LSM14A: variants seen among roughly 807,000 people sequenced by gnomAD.
LSM14A encodes the protein protein LSM14 homolog A.
A neutral mutation model predicts 52.4 loss-of-function variants in LSM14A; 14 were observed. The ratio of observed to expected loss-of-function variants is 0.27; its 90% CI spans 0.18 to 0.42. LSM14A has a LOEUF of 0.42. Among genes scored for constraint, LSM14A ranks in the 10% least tolerant of loss-of-function variants. The pLI is 1.00. For missense variants in LSM14A, 417 were observed against 581.8 expected, an observed-to-expected ratio of 0.72 and a Z score of 2.91; for synonymous variants, 185 against 200.3, an observed-to-expected ratio of 0.92 and a Z score of 0.64.
intron 3 of LSM14A, among the ~76,000 whole-genome samples, chr19:34,205,580 G>A (rs1157908792): frequency 7.9e-5 from 12 of 151,818 alleles, no homozygotes; most frequent in Admixed American, 7.9e-4. Context: ...TGCTTGGGAG[G>A]CTGAAGTGGG....
At position 34,215,307 on chromosome 19, in the gene LSM14A, C is replaced by G. The variant is rs1489624391; in HGVS notation, c.715+7C>G. On this transcript the variant is annotated splice_region_variant and intron_variant, in intron 5 of 9. Coordinates refer to ENST00000544216, the MANE Select transcript of LSM14A (RefSeq NM_015578.4). ...AATCAGGAGCACAGGCGAGGTAGAA[C>G]TTTAGCTGTTTACTGTTCCTTAATT... 1.2e-6 allele frequency: 2 copies of G among 1,603,964 alleles called. No homozygotes were observed. Among genetic ancestry groups the G allele is most frequent in the Non-Finnish European group, 1.7e-6 (2 of 1,175,826 alleles).
At chr19:34,223,993 C>T (rs773194241) in intron 9 of LSM14A, among the ~76,000 whole-genome samples, 5 of 152,184 alleles carry the variant, frequency 3.3e-5, no homozygotes, top group Admixed American at 6.5e-5. Flanking sequence ...TGGGAGCTTA[C>T]TCTTCCCAAG....
chr19:34,219,009 T>G (rs191253576), intron 6 of LSM14A, among the ~76,000 whole-genome samples: 120 of 152,334 alleles, frequency 7.9e-4, no homozygotes, highest in Admixed American at 1.4e-3. Flanking sequence ...CCACTGTGTG[T>G]CTGGCACTTC....
In LSM14A at chr19:34,227,524, T is replaced by C; in HGVS notation, c.*136T>C. The C allele has an allele frequency of 1.5e-6, 1 of 648,600 alleles. No individual in the cohort carries two copies. The highest frequency in any genetic ancestry group is 2.6e-6 in the Non-Finnish European group (1 of 383,808). 40.2% of individuals were successfully genotyped at this position (648,600 alleles called of 1,614,324 possible). A position where few individuals can be genotyped will look rare whatever the true frequency, so the allele number is the denominator to read the frequency against. On this transcript the variant is annotated 3_prime_UTR_variant, in exon 10 of 10. Transcript: ENST00000544216. ...CAGCACTGGGTTTTTGTTTTTTGTT[T>C]GTTTTTCCGCTTAATTTCAAAGATA...
rs557515546 is a variant in LSM14A, at chr19:34,224,360, A to G, written c.1368+2622A>G. 1.6e-3 allele frequency among the ~76,000 whole-genome samples: 247 copies of G among 152,328 alleles called. 1 individual carries two copies. The highest frequency in any genetic ancestry group is 5.3e-3 in the African/African-American group (222 of 41,572). On this transcript the variant is annotated intron_variant, in intron 9 of 9. Coordinates refer to ENST00000544216, the MANE Select transcript of LSM14A (RefSeq NM_015578.4). ...AAAGGAAAAAACAAACCTTCCATGC[A>G]GTAACTGTGTGTGCTCCATGTGGTT...
intron 1 of LSM14A, among the ~76,000 whole-genome samples, chr19:34,191,076 A>G (rs888367266): frequency 6.6e-6 from 1 of 152,088 alleles, no homozygotes; most frequent in African/African-American, 2.4e-5. Context: ...ATGCTGTAGT[A>G]CTTTTTCATG....
intron 2 of LSM14A, 142 bp from the exon 3 acceptor site, chr19:34,196,492 A>C: frequency 1.4e-6 from 1 of 698,348 alleles, no homozygotes; most frequent in South Asian, 3.3e-5. Context: ...GGCTATTTTA[A>C]TATTAAGTGC....
At chr19:34,189,177 A>G (rs1403018199) in intron 1 of LSM14A, among the ~76,000 whole-genome samples, 1 of 152,230 alleles carries the variant, frequency 6.6e-6, no homozygotes, top group African/African-American at 2.4e-5. Flanking sequence ...AATATCCCAG[A>G]ATCAGATCAG....
intron 3 of LSM14A, among the ~76,000 whole-genome samples, chr19:34,205,021 A>G (rs916717462): frequency 6.6e-6 from 1 of 152,060 alleles, no homozygotes; most frequent in Non-Finnish European, 1.5e-5. Context: ...AGTCCCAGCT[A>G]TTTGGGAGGC....
chr19:34,201,659 C>T (rs1184569743), intron 3 of LSM14A, among the ~76,000 whole-genome samples: 1 of 151,952 alleles, frequency 6.6e-6, no homozygotes, highest in African/African-American at 2.4e-5. Context: ...CTTTTGTTGG[C>T]ACAAAGTAAA....
chr19:34,173,308 C>A (rs1290972670), intron 1 of LSM14A, among the ~76,000 whole-genome samples: 7 of 152,312 alleles, frequency 4.6e-5, no homozygotes, highest in African/African-American at 1.2e-4. Context: ...CAGATCCCAT[C>A]TCCCTCGGCT....
chr19:34,185,807 C>T (rs1212124982), intron 1 of LSM14A, among the ~76,000 whole-genome samples: 1 of 152,142 alleles, frequency 6.6e-6, no homozygotes, highest in Non-Finnish European at 1.5e-5. Flanking sequence ...ATATAAATGT[C>T]AGAAAGAGAA....
At position 34,172,620 on chromosome 19, in the gene LSM14A, C is replaced by T. The variant is rs2068781073; in HGVS notation, c.-23C>T. ...GTGGGATCTGCCTCTCTGCGAGCAG[C>T]TGGGAGCGGCGGCGGCGGCGCCATG... On this transcript the variant is annotated 5_prime_UTR_variant, in exon 1 of 10. Coordinates refer to ENST00000544216, the MANE Select transcript of LSM14A (RefSeq NM_015578.4). 6.4e-7 allele frequency: 1 copy of T among 1,550,992 alleles called. No homozygotes were observed. Among genetic ancestry groups the T allele is most frequent in the Non-Finnish European group, 8.7e-7 (1 of 1,151,006 alleles).
chr19:34,194,689 G>A, intron 2 of LSM14A, 48 bp downstream of exon 2: 2 of 1,574,998 alleles, frequency 1.3e-6, no homozygotes, highest in African/African-American at 1.4e-5. Context: ...CTCCGCACAG[G>A]GTTAGCCTTG....
chr19:34,190,777 T>A (rs1018324326), intron 1 of LSM14A, among the ~76,000 whole-genome samples: 1 of 152,196 alleles, frequency 6.6e-6, no homozygotes, highest in African/African-American at 2.4e-5. Flanking sequence ...ACTTCTGTGT[T>A]GAAATGAATT....
rs71165632 is a variant in LSM14A, at chr19:34,192,319, G to GTTTTTTTTTTTTTTTTTTTTTTTTTTT, written c.122-2136_122-2135insTTTTTTTTTTTTTTTTTTTTTTTTTTT. Among the ~76,000 whole-genome samples, 26 of 53,406 alleles carry GTTTTTTTTTTTTTTTTTTTTTTTTTTT rather than the reference G, an allele frequency of 4.9e-4. 3 individuals carry two copies. The highest frequency in any genetic ancestry group is 7.8e-4 in the Non-Finnish European group (24 of 30,626). 35.0% of individuals were successfully genotyped at this position (53,406 alleles called of 152,430 possible). On this transcript the variant is annotated intron_variant, in intron 1 of 9. Coordinates refer to ENST00000544216, the MANE Select transcript of LSM14A (RefSeq NM_015578.4). ...ACACTGAAATAACATTCTTTTTGTT[G>GTTTTTTTTTTTTTTTTTTTTTTTTTTT]TTTTTTTTTTTTTTTTTTTTTTTGG...
intron 1 of LSM14A, among the ~76,000 whole-genome samples, chr19:34,183,962 A>G (rs2069691367): frequency 6.6e-6 from 1 of 152,028 alleles, no homozygotes; most frequent in African/African-American, 2.4e-5. Flanking sequence ...CATCAACTCA[A>G]GAAGCTTCTT....
At chr19:34,173,061 A>G (rs548040595) in intron 1 of LSM14A, among the ~76,000 whole-genome samples, 1 of 152,366 alleles carries the variant, frequency 6.6e-6, no homozygotes, top group South Asian at 2.1e-4. Flanking sequence ...CGCGTCTTCC[A>G]ACTCCGAAAT....
chr19:34,220,331 A>G (rs1397033287), intron 8 of LSM14A, among the ~76,000 whole-genome samples: 1 of 152,234 alleles, frequency 6.6e-6, no homozygotes, highest in Non-Finnish European at 1.5e-5. Context: ...ATTCAAAAGA[A>G]GAAATAACCA....
Sources: gnomAD v4.1 joint callset for allele counts (sites outside exome capture counted in the v4.1 genomes callset) on GRCh38, gnomAD v4.1.1 for gene constraint, MANE v1.5 for transcripts, NCBI Gene and HGNC (gene_info 2026-07-23, HGNC 2026-07-21) for gene names.